The following TAFA2 variants were observed in gnomAD, a reference collection of about 807,000 sequenced individuals.
TAFA2 encodes the protein TAFA chemokine like family member 2.
A neutral mutation model predicts 18.8 loss-of-function variants in TAFA2; 7 were observed. The observed-to-expected ratio is 0.37, with a 90% CI of 0.21 to 0.70. The LOEUF (loss-of-function observed/expected upper bound fraction) is 0.70, where lower values mean the gene tolerates loss of function less well. Among genes scored for constraint, TAFA2 ranks in the 30% least tolerant of loss-of-function variants. TAFA2 has a pLI of 0.53. For synonymous variants in TAFA2, 60 were observed against 54.2 expected (o/e 1.11, Z -0.47); for missense variants, 122 against 158.1 (o/e 0.77, Z 1.23).
At chr12:61,801,394 G>T (rs1031790277) in intron 2 of TAFA2, among the ~76,000 whole-genome samples, 1 of 151,882 alleles carries the variant, frequency 6.6e-6, no homozygotes, top group African/African-American at 2.4e-5. Context: ...TATAGTAACC[G>T]AAACAGCATA....
intron 1 of TAFA2, among the ~76,000 whole-genome samples, chr12:61,930,616 C>A (rs145436160): frequency 6.6e-4 from 100 of 152,342 alleles, no homozygotes; most frequent in African/African-American, 2.1e-3. Context: ...CTAATCATCA[C>A]GCTCTATACT....
At chr12:62,248,739 T>C (rs1366458660) in intron 1 of TAFA2, among the ~76,000 whole-genome samples, 1 of 152,198 alleles carries the variant, frequency 6.6e-6, no homozygotes, top group Non-Finnish European at 1.5e-5. Context: ...CTTCAAATTC[T>C]TTTTTATTTT....
intron 1 of TAFA2, among the ~76,000 whole-genome samples, chr12:61,919,679 T>C (rs1162710389): frequency 2.0e-5 from 3 of 151,314 alleles, no homozygotes; most frequent in South Asian, 4.1e-4. Context: ...TTATATATTA[T>C]ATACGTTTAT....
intron 1 of TAFA2, among the ~76,000 whole-genome samples, chr12:62,072,513 T>C (rs1882658725): frequency 6.6e-6 from 1 of 151,712 alleles, no homozygotes; most frequent in South Asian, 2.1e-4. Context: ...GGGCATGATG[T>C]CTCATGCCTG....
At chr12:61,731,132 C>T (rs1013659877) in intron 4 of TAFA2, among the ~76,000 whole-genome samples, 9 of 152,034 alleles carry the variant, frequency 5.9e-5, no homozygotes, top group South Asian at 4.1e-4. Flanking sequence ...CTTCTACTTT[C>T]GTATCTTGCT....
chr12:61,761,228 CT>C (rs1160995093), intron 2 of TAFA2, among the ~76,000 whole-genome samples: 2 of 151,964 alleles, frequency 1.3e-5, no homozygotes, highest in African/African-American at 4.8e-5. Flanking sequence ...CTTCAAGCTG[CT>C]TTTTTGATGT....
At chr12:61,976,654 T>G (rs1879446335) in intron 1 of TAFA2, among the ~76,000 whole-genome samples, 1 of 152,014 alleles carries the variant, frequency 6.6e-6, no homozygotes, top group African/African-American at 2.4e-5. Context: ...TCATTTACAT[T>G]AGGTATAGCT....
chr12:61,987,749 T>A (rs1879866374), intron 1 of TAFA2, among the ~76,000 whole-genome samples: 1 of 152,176 alleles, frequency 6.6e-6, no homozygotes, highest in Admixed American at 6.5e-5. Context: ...TAAGGTAACA[T>A]CTTACAAAAG....
At chr12:62,016,799 CT>C (rs1006584737) in intron 1 of TAFA2, among the ~76,000 whole-genome samples, 4 of 54,236 alleles carry the variant, frequency 7.4e-5, no homozygotes, top group Non-Finnish European at 2.1e-4. Context: ...CAGTAAGTAC[CT>C]GGTACCCTGA....
At chr12:61,914,235 A>G (rs568044832) in intron 1 of TAFA2, among the ~76,000 whole-genome samples, 47 of 152,336 alleles carry the variant, frequency 3.1e-4, no homozygotes, top group African/African-American at 1.1e-3. Flanking sequence ...AAGGCATCAC[A>G]GTCAAACTTC....
chr12:61,772,803 A>G (rs1381021040), intron 2 of TAFA2, among the ~76,000 whole-genome samples: 1 of 152,104 alleles, frequency 6.6e-6, no homozygotes, highest in Admixed American at 6.6e-5. Flanking sequence ...CTGGAACAAG[A>G]AAAGGATTCC....
chr12:62,226,840 G>A (rs2062789049), intron 1 of TAFA2, among the ~76,000 whole-genome samples: 1 of 152,120 alleles, frequency 6.6e-6, no homozygotes, highest in South Asian at 2.1e-4. Flanking sequence ...TCTCAAATCT[G>A]GCCCGTCCCC....
intron 1 of TAFA2, among the ~76,000 whole-genome samples, chr12:62,245,480 T>C (rs1004286905): frequency 6.6e-5 from 10 of 151,902 alleles, no homozygotes; most frequent in African/African-American, 2.2e-4. Context: ...TGTCAATAAA[T>C]AGAGACAATT....
chr12:62,128,113 A>G (rs1310197731), intron 1 of TAFA2, among the ~76,000 whole-genome samples: 1 of 152,024 alleles, frequency 6.6e-6, no homozygotes, highest in Non-Finnish European at 1.5e-5. Flanking sequence ...GTGCCTGAGT[A>G]AAATTCTTTT....
chr12:62,144,179 T>C (rs963206915), intron 1 of TAFA2, among the ~76,000 whole-genome samples: 1 of 151,760 alleles, frequency 6.6e-6, no homozygotes, highest in South Asian at 2.1e-4. Flanking sequence ...TTAAGTAAGA[T>C]CTGTGTGTCC....
At chr12:61,987,887 A>C (rs2136684598) in intron 1 of TAFA2, among the ~76,000 whole-genome samples, 1 of 152,380 alleles carries the variant, frequency 6.6e-6, no homozygotes, top group Admixed American at 6.5e-5. Flanking sequence ...AGCTCTCAGC[A>C]AATGTTTGTT....
chr12:61,799,958 G>C (rs539769585), intron 2 of TAFA2, among the ~76,000 whole-genome samples: 48 of 152,212 alleles, frequency 3.2e-4, no homozygotes, highest in Non-Finnish European at 4.4e-4. Context: ...CCTTCTGGGA[G>C]AGTATTAATC....
Position 61,710,518 on chromosome 12 carries a change from T to C in TAFA2, c.385-101A>G. On this transcript the variant is annotated intron_variant, in intron 4 of 4. Transcript: ENST00000416284. ...TAATAGATAACTCAAAATGCTGGTG[T>C]TTGCTATATCAAATGCATTACTTAA... The C allele has an allele frequency of 4.2e-6, 4 of 941,582 alleles. 1 individual carries two copies. The highest frequency in any genetic ancestry group is 1.6e-5 in the African/African-American group (1 of 60,762). 58.3% of individuals were successfully genotyped at this position (941,582 alleles called of 1,614,324 possible). A position where few individuals can be genotyped will look rare whatever the true frequency, so the allele number is the denominator to read the frequency against.
At chr12:61,956,631 T>TAAAAA (rs34261945) in intron 1 of TAFA2, among the ~76,000 whole-genome samples, 2 of 142,770 alleles carry the variant, frequency 1.4e-5, no homozygotes. Flanking sequence ...TTTGTTTTGT[T>TAAAAA]AAAAAAAAAA....
Sources: allele counts gnomAD v4.1 joint callset (sites outside exome capture counted in the v4.1 genomes callset), GRCh38; gene constraint gnomAD v4.1.1; transcripts MANE v1.5; gene names NCBI Gene and HGNC (gene_info 2026-07-23, HGNC 2026-07-21).